Variants in GPD2 observed in about 807,000 individuals in gnomAD.
GPD2 encodes glycerol-3-phosphate dehydrogenase, mitochondrial.
A neutral mutation model predicts 82.4 loss-of-function variants in GPD2; 54 were observed. That is an observed-to-expected ratio of 0.66 (90% CI 0.53 to 0.82). The LOEUF is 0.82. Among genes scored for constraint, GPD2 ranks in the 40% least tolerant of loss-of-function variants. The pLI, the probability that GPD2 is intolerant of heterozygous loss-of-function variation, is 0.00. For missense variants in GPD2, 748 were observed against 896.2 expected (o/e 0.83, Z 2.11); for synonymous variants, 288 against 306.1 (o/e 0.94, Z 0.62).
At chr2:156,502,128 G>A (rs558256730) in intron 3 of GPD2, among the ~76,000 whole-genome samples, 140 of 151,944 alleles carry the variant, frequency 9.2e-4, no homozygotes, top group Non-Finnish European at 1.6e-3. Context: ...GTGTGTGTCT[G>A]TGTATGTATG....
intron 1 of GPD2, among the ~76,000 whole-genome samples, chr2:156,471,138 G>A (rs1683313472): frequency 6.6e-6 from 1 of 152,176 alleles, no homozygotes; most frequent in South Asian, 2.1e-4. Flanking sequence ...CACTTATTGT[G>A]TTCAGTCTCT....
chr2:156,403,639 G>A, the GPD2 span, among the ~76,000 whole-genome samples: 1 of 152,018 alleles, frequency 6.6e-6, no homozygotes, highest in Non-Finnish European at 1.5e-5. Context: ...GTGTGTGTGC[G>A]CCTGCATGCA....
chr2:156,544,972 CTTG>C (rs1187404533), intron 6 of GPD2, among the ~76,000 whole-genome samples: 4 of 152,204 alleles, frequency 2.6e-5, no homozygotes. Context: ...TGAAAATTGC[CTTG>C]TTATCACAAT....
chr2:156,450,798 G>T (rs1202373768), intron 1 of GPD2, among the ~76,000 whole-genome samples: 1 of 113,142 alleles, frequency 8.8e-6, no homozygotes, highest in East Asian at 2.5e-4. Context: ...TTCCTAGGCA[G>T]AGGACCCTGC....
intron 1 of GPD2, among the ~76,000 whole-genome samples, chr2:156,451,724 G>T (rs1682598443): frequency 6.8e-6 from 1 of 147,156 alleles, no homozygotes; most frequent in Non-Finnish European, 1.5e-5. Flanking sequence ...CCCGGACGGG[G>T]CGGCTGGCCG....
intron 3 of GPD2, among the ~76,000 whole-genome samples, chr2:156,498,332 TA>T (rs1363517861): frequency 6.6e-6 from 1 of 152,148 alleles, no homozygotes; most frequent in Non-Finnish European, 1.5e-5. Flanking sequence ...GTGAGCCTTT[TA>T]AAAGGCTCAG....
intron 6 of GPD2, among the ~76,000 whole-genome samples, chr2:156,521,901 AT>A (rs1273621427): frequency 6.6e-6 from 1 of 152,070 alleles, no homozygotes; most frequent in African/African-American, 2.4e-5. Flanking sequence ...TTCCTGTTGT[AT>A]TTCTCCTCTT....
chr2:156,434,858 T>C (rs1480761892), upstream of GPD2, among the ~76,000 whole-genome samples: 1 of 152,144 alleles, frequency 6.6e-6, no homozygotes, highest in Admixed American at 6.5e-5. Context: ...GGAGTACAGT[T>C]TCTGTCAAGT....
intron 6 of GPD2, among the ~76,000 whole-genome samples, chr2:156,534,693 T>C (rs1200961639): frequency 6.6e-6 from 1 of 152,214 alleles, no homozygotes; most frequent in East Asian, 1.9e-4. Flanking sequence ...AGTTGTTTTT[T>C]CACATGACTA....
chr2:156,461,646 C>T (rs177087), intron 1 of GPD2, among the ~76,000 whole-genome samples: 138,636 of 152,252 alleles, frequency 0.91, 64,221 homozygotes, highest in South Asian at 1. Flanking sequence ...TCCCCAAGTG[C>T]TGGGATTACA....
At chr2:156,516,532 G>A (rs906281933) in intron 6 of GPD2, among the ~76,000 whole-genome samples, 96 of 152,230 alleles carry the variant, frequency 6.3e-4, no homozygotes, top group African/African-American at 2.2e-3. Flanking sequence ...TCTAATCTCC[G>A]GGGCTCAAGC....
At chr2:156,530,628 T>G (rs957326589) in intron 6 of GPD2, among the ~76,000 whole-genome samples, 3 of 151,530 alleles carry the variant, frequency 2.0e-5, no homozygotes, top group African/African-American at 7.3e-5. Context: ...TTATTGAGAG[T>G]TTTTAGCATG....
chr2:156,434,593 G>T (rs1194497204), upstream of GPD2, among the ~76,000 whole-genome samples: 2 of 152,206 alleles, frequency 1.3e-5, no homozygotes, highest in African/African-American at 4.8e-5. Context: ...GAGCATGAGT[G>T]TGGGGGGTGC....
At chr2:156,537,584 T>C (rs1462108509) in intron 6 of GPD2, among the ~76,000 whole-genome samples, 1 of 152,218 alleles carries the variant, frequency 6.6e-6, no homozygotes, top group African/African-American at 2.4e-5. Context: ...TTTGAAATTA[T>C]AGGAAATGAT....
the GPD2 span, among the ~76,000 whole-genome samples, chr2:156,408,510 G>A: frequency 1.2e-4 from 19 of 152,024 alleles, 1 homozygote; most frequent in South Asian, 3.7e-3. Flanking sequence ...TGCATGGCTT[G>A]AGCCCAGGAG....
At chr2:156,558,277 C>G (rs144064715) in intron 9 of GPD2, among the ~76,000 whole-genome samples, 126 of 152,216 alleles carry the variant, frequency 8.3e-4, no homozygotes, top group African/African-American at 2.9e-3. Flanking sequence ...AAATGGTGTG[C>G]TTATTTTTGG....
intron 8 of GPD2, among the ~76,000 whole-genome samples, chr2:156,554,661 A>T (rs1490978931): frequency 2.0e-5 from 3 of 152,198 alleles, no homozygotes; most frequent in African/African-American, 7.2e-5. Flanking sequence ...ACAAATCTGG[A>T]ATTTCCATGA....
chr2:156,452,078 C>T (rs1410616369), intron 1 of GPD2, among the ~76,000 whole-genome samples: 2 of 151,112 alleles, frequency 1.3e-5, no homozygotes, highest in Non-Finnish European at 3.0e-5. Flanking sequence ...GACTGGGCAG[C>T]CAGGCAGAGG....
chr2:156,445,214 C>A (rs1307192032), intron 1 of GPD2, among the ~76,000 whole-genome samples: 1 of 152,174 alleles, frequency 6.6e-6, no homozygotes, highest in Non-Finnish European at 1.5e-5. Context: ...CAACAGTGAA[C>A]CCTGTCATAT....
Sources: allele counts gnomAD v4.1 joint callset (sites outside exome capture counted in the v4.1 genomes callset), GRCh38; gene constraint gnomAD v4.1.1; transcripts MANE v1.5; gene names NCBI Gene and HGNC (gene_info 2026-07-23, HGNC 2026-07-21).